TMEM230: variants seen among roughly 807,000 people sequenced by gnomAD.
The protein encoded by TMEM230 is transmembrane protein 230.
TMEM230 carries 10 observed loss-of-function variants against 15.8 expected under a neutral mutation model. That is an observed-to-expected ratio of 0.63 (90% CI 0.39 to 1.07). The LOEUF is 1.07. Ranked by LOEUF, TMEM230 falls within the 50% of genes least tolerant of loss-of-function variation. The pLI, the probability that TMEM230 is intolerant of heterozygous loss-of-function variation, is 0.01. For synonymous variants in TMEM230, 67 were observed against 76.9 expected, an observed-to-expected ratio of 0.87 and a Z score of 0.68; for missense variants, 165 against 193.3, an observed-to-expected ratio of 0.85 and a Z score of 0.87.
intron 3 of TMEM230, among the ~76,000 whole-genome samples, chr20:5,083,328 A>G (rs2089239530): frequency 6.7e-6 from 1 of 148,576 alleles, no homozygotes; most frequent in South Asian, 2.1e-4. Context: ...GAGGTTTAAT[A>G]GAAGAAAGAG....
chr20:5,106,202 A>G lies in TMEM230; in HGVS notation c.397T>C (p.Tyr133His). The G allele has an allele frequency of 1.9e-6, 3 of 1,611,728 alleles. No homozygotes were observed. Among genetic ancestry groups the G allele is most frequent in the East Asian group, 2.2e-5 (1 of 44,860 alleles). Residue 133 changes from tyrosine to histidine, a missense_variant, in exon 4 of 5, where the codon TAC becomes CAC. Transcript: ENST00000342308. ...CGTCAGCTTACCCCTTTGCTGATGT[A>G]GCCTGACAGCAGGAGGGAGCCTATA...
At chr20:5,062,581 C>G in the TMEM230 span, among the ~76,000 whole-genome samples, 1 of 151,918 alleles carries the variant, frequency 6.6e-6, no homozygotes, top group South Asian at 2.1e-4. Flanking sequence ...CATGGCGAAA[C>G]CCTGTCTCTA....
At chr20:5,068,914 C>T (rs1372396698) in exon 4 of TMEM230, 5 of 368,286 alleles carry the variant, frequency 1.4e-5, no homozygotes, top group South Asian at 6.3e-5. Flanking sequence ...CAGGAATCCT[C>T]CTACCCTCAG....
At chr20:5,080,174 C>A (rs757931945) in intron 3 of TMEM230, among the ~76,000 whole-genome samples, 1 of 152,134 alleles carries the variant, frequency 6.6e-6, no homozygotes, top group Non-Finnish European at 1.5e-5. Context: ...AATCATCTAT[C>A]CTGCTGCTAA....
chr20:5,113,040 C>CT lies in TMEM230; in HGVS notation c.-13dup. On this transcript the variant is annotated 5_prime_UTR_variant, in exon 1 of 5. Coordinates refer to ENST00000342308, the MANE Select transcript of TMEM230 (RefSeq NM_001009923.2). ...GCCCAAGGTTGCATGGCATGGCCCG[C>CT]TTAAGTGCCACTCAGCCGGCCCCAG... 1 of 1,545,486 alleles carries CT rather than the reference C, an allele frequency of 6.5e-7. No homozygotes were observed.
intron 3 of TMEM230, 119 bp from the exon 3 acceptor site, chr20:5,106,429 G>A: frequency 7.8e-7 from 1 of 1,278,154 alleles, no homozygotes; most frequent in Non-Finnish European, 1.0e-6. Flanking sequence ...TTGAGATGGA[G>A]TTTCGTTCTT....
At chr20:5,070,422 A>G (rs887435890) in intron 3 of TMEM230, among the ~76,000 whole-genome samples, 1 of 152,190 alleles carries the variant, frequency 6.6e-6, no homozygotes, top group Non-Finnish European at 1.5e-5. Flanking sequence ...ACAAAAATCA[A>G]TTGTCCAGTG....
intron 3 of TMEM230, among the ~76,000 whole-genome samples, chr20:5,092,603 C>G (rs1004516296): frequency 6.6e-6 from 1 of 151,694 alleles, no homozygotes; most frequent in Admixed American, 6.6e-5. Context: ...GTAATCCCAG[C>G]TACTTGGGAG....
chr20:5,061,099 T>C, the TMEM230 span: 19 of 152,244 alleles, frequency 1.2e-4, no homozygotes, highest in African/African-American at 3.9e-4. Flanking sequence ...CTGGAATTTA[T>C]GCTATCAAAA....
downstream of TMEM230, among the ~76,000 whole-genome samples, chr20:5,096,076 A>G (rs2089656772): frequency 6.6e-6 from 1 of 152,178 alleles, no homozygotes; most frequent in African/African-American, 2.4e-5. Flanking sequence ...AGCAGCTGTC[A>G]GGGAGAGGAG....
rs533773586 is a variant in TMEM230, at chr20:5,072,054, T to C, written c.223-2705A>G. ...GTGTGAGCCACTGCGCCCAGCCTTT[T>C]TTGAGTTTTTGTTGAAGATAGGGTC... On this transcript the variant is annotated intron_variant, in intron 3 of 3. Transcript: ENST00000612323. 3.3e-4 allele frequency among the ~76,000 whole-genome samples: 50 copies of C among 149,776 alleles called. 1 individual carries two copies. In the South Asian group the frequency reaches 7.6e-3, roughly 23 times the overall value.
intron 3 of TMEM230, among the ~76,000 whole-genome samples, chr20:5,082,811 CAATCAAAATGA>C (rs1388822973): frequency 2.0e-5 from 3 of 151,976 alleles, no homozygotes; most frequent in Non-Finnish European, 4.4e-5. Flanking sequence ...TGGCTTTGTT[CAATCAAAATGA>C]TAGACGTTAG....
downstream of TMEM230, among the ~76,000 whole-genome samples, chr20:5,098,711 T>G (rs577944890): frequency 1.3e-5 from 2 of 152,080 alleles, no homozygotes; most frequent in Admixed American, 1.3e-4. Flanking sequence ...CTATGACTAC[T>G]AAATGCATAG....
At chr20:5,083,330 A>AAGAAAG (rs1363257294) in intron 3 of TMEM230, among the ~76,000 whole-genome samples, 1 of 149,498 alleles carries the variant, frequency 6.7e-6, no homozygotes, top group Non-Finnish European at 1.5e-5. Flanking sequence ...GGTTTAATAG[A>AAGAAAG]AGAAAGAGAA....
At chr20:5,082,121 A>G (rs966854259) in intron 3 of TMEM230, among the ~76,000 whole-genome samples, 9 of 151,700 alleles carry the variant, frequency 5.9e-5, no homozygotes, top group Non-Finnish European at 1.3e-4. Flanking sequence ...AGCTGACCTC[A>G]GGTGGTCCAC....
In TMEM230 at chr20:5,092,683, C is replaced by A. The variant is rs191593168; in HGVS notation, c.222+13505G>T. Reference sequence around the variant, plus strand: ...TGAGCTGAGATCGCACCATTGTACTCCAGCCTGGGCAACAAGAGCAAAACT... The same window carrying A: ...TGAGCTGAGATCGCACCATTGTACTACAGCCTGGGCAACAAGAGCAAAACT... On this transcript the variant is annotated intron_variant, in intron 3 of 3. Transcript: ENST00000612323. Among the ~76,000 whole-genome samples, 525 of 149,636 alleles carry A rather than the reference C, an allele frequency of 3.5e-3. 4 individuals are homozygous for A. Among genetic ancestry groups the A allele is most frequent in the African/African-American group, 0.012 (491 of 40,566 alleles).
chr20:5,112,945 C>A lies in TMEM230; in HGVS notation c.68+16G>T. The A allele has an allele frequency of 6.5e-7, 1 of 1,549,962 alleles. No homozygotes were observed. The highest frequency in any genetic ancestry group is 1.2e-5 in the South Asian group (1 of 84,058). On this transcript the variant is annotated intron_variant, in intron 1 of 4. Transcript: ENST00000342308. Reference sequence around the variant, plus strand: ...GAGGACGGTTCTGTCCCCGCCCTGCCGCACACACGCCTTACCGGAGCGCCG... The same window carrying A: ...GAGGACGGTTCTGTCCCCGCCCTGCAGCACACACGCCTTACCGGAGCGCCG...
downstream of TMEM230, among the ~76,000 whole-genome samples, chr20:5,099,232 A>AAATAAATC (rs763037273): frequency 2.3e-4 from 18 of 78,994 alleles, no homozygotes; most frequent in African/African-American, 6.1e-4. Context: ...ATAAATAAAT[A>AAATAAATC]AATCAATCAA....
At chr20:5,112,605 C>T (rs2090371103) in intron 1 of TMEM230, 7 of 1,002,198 alleles carry the variant, frequency 7.0e-6, no homozygotes, top group Non-Finnish European at 9.1e-6. Flanking sequence ...GTCTTCGTTG[C>T]CAACAGGCTT....
Sources: allele counts gnomAD v4.1 joint callset (sites outside exome capture counted in the v4.1 genomes callset), GRCh38; gene constraint gnomAD v4.1.1; transcripts MANE v1.5; gene names NCBI Gene and HGNC (gene_info 2026-07-23, HGNC 2026-07-21).